Variants in IGF2BP3 observed in about 807,000 individuals in gnomAD.
IGF2BP3 encodes insulin-like growth factor 2 mRNA-binding protein 3.
A neutral mutation model predicts 73.8 loss-of-function variants in IGF2BP3; 9 were observed. The observed-to-expected ratio is 0.12, with a 90% CI of 0.07 to 0.21. The LOEUF is 0.21. IGF2BP3 is among the 10% of genes least tolerant of loss of function. The probability of loss-of-function intolerance (pLI) is 1.00; values close to 1 mark genes in which losing one functional copy is unlikely to be tolerated. For missense variants in IGF2BP3, 542 were observed against 714.0 expected (o/e 0.76, Z 2.75); for synonymous variants, 258 against 256.7 (o/e 1.01, Z -0.05).
chr7:23,319,392 G>T, intron 10 of IGF2BP3, 138 bp from the exon 11 acceptor site: 1 of 636,654 alleles, frequency 1.6e-6, no homozygotes, highest in Non-Finnish European at 2.8e-6. Context: ...ATAAGAAGTT[G>T]ACCAGACCTT....
At chr7:23,328,380 T>C (rs550492529) in intron 10 of IGF2BP3, among the ~76,000 whole-genome samples, 1 of 152,294 alleles carries the variant, frequency 6.6e-6, no homozygotes, top group East Asian at 1.9e-4. Flanking sequence ...AGCTAACTTT[T>C]GTCTTTTTAG....
intron 3 of IGF2BP3, among the ~76,000 whole-genome samples, chr7:23,393,126 C>T (rs1583983173): frequency 6.6e-6 from 1 of 152,102 alleles, no homozygotes; most frequent in African/African-American, 2.4e-5. Flanking sequence ...TGCTTTCATC[C>T]AACTCAAGAT....
chr7:23,313,609 A>G lies in IGF2BP3; in HGVS notation c.1440T>C (p.Val480=), dbSNP rs771177339. ...IYGKIKEENF[V]SPKEEVKLEA... is the part of the protein sequence containing the mutation. The stretch of plus-strand genomic sequence containing the variant: ...CAAGTTTCACCTCTTCTTTAGGACT[A>G]ACAAAGTTTTCTTCTTTAATTTTTC... Residue 480 remains valine, a synonymous_variant, in exon 13 of 15, where the codon GTT becomes GTC. Transcript: ENST00000258729. The G allele has an allele frequency of 1.5e-5, 25 of 1,613,816 alleles. No individual in the cohort carries two copies. The highest frequency in any genetic ancestry group is 1.6e-4 in the Middle Eastern group (1 of 6,080).
intron 3 of IGF2BP3, chr7:23,415,390 T>A (rs1787158502): frequency 4.8e-6 from 1 of 209,960 alleles, no homozygotes. Flanking sequence ...TCCCCCTCCA[T>A]CAGTCGGCAT....
intron 3 of IGF2BP3, among the ~76,000 whole-genome samples, chr7:23,366,357 C>T (rs1284119803): frequency 2.0e-5 from 3 of 152,008 alleles, no homozygotes; most frequent in African/African-American, 4.8e-5. Flanking sequence ...AGGCTGGTCT[C>T]GAACTCCTGA....
intron 2 of IGF2BP3, among the ~76,000 whole-genome samples, chr7:23,456,271 T>G (rs548638083): frequency 1.2e-4 from 18 of 152,226 alleles, no homozygotes; most frequent in African/African-American, 4.3e-4. Context: ...AACCAGCATT[T>G]TTTTTGTTGT....
At position 23,342,328 on chromosome 7, in the gene IGF2BP3, A is replaced by T. The variant is rs1034791618; in HGVS notation, c.1078-139T>A. ...TAACTCAAAGCAGATGTTCCATGGG[A>T]CTCTACTTGAGTACATCGTTTACAT... On this transcript the variant is annotated intron_variant, in intron 9 of 14. Coordinates refer to ENST00000258729, the MANE Select transcript of IGF2BP3 (RefSeq NM_006547.3). 27 of 911,852 alleles carry T rather than the reference A, an allele frequency of 3.0e-5. No individual in the cohort carries two copies. In the African/African-American group the frequency reaches 4.1e-4, roughly 14 times the overall value. 56.5% of individuals were successfully genotyped at this position (911,852 alleles called of 1,614,324 possible).
intron 10 of IGF2BP3, among the ~76,000 whole-genome samples, chr7:23,332,898 A>G (rs894577109): frequency 1.3e-5 from 2 of 152,186 alleles, no homozygotes; most frequent in Non-Finnish European, 2.9e-5. Context: ...TAAATATTTT[A>G]TCTCACTAAG....
chr7:23,448,077 T>C (rs1428290945), intron 2 of IGF2BP3, among the ~76,000 whole-genome samples: 2 of 152,222 alleles, frequency 1.3e-5, no homozygotes, highest in African/African-American at 2.4e-5. Context: ...AGGAAAGCTG[T>C]CTGAAACATG....
rs1783837145 is a variant in IGF2BP3, at chr7:23,311,791, T to C, written c.*571A>G. The C allele has an allele frequency of 6.5e-6, 1 of 152,700 alleles. No individual in the cohort carries two copies. Among genetic ancestry groups the C allele is most frequent in the Non-Finnish European group, 1.5e-5 (1 of 68,056 alleles). 9.5% of individuals were successfully genotyped at this position (152,700 alleles called of 1,614,324 possible). ...TTTTGCTTTTCATTGTATTACTGAA[T>C]ACCTGAGGTAGTTGAGTAAAAATGC... On this transcript the variant is annotated 3_prime_UTR_variant, in exon 15 of 15. Transcript: ENST00000258729.
intron 5 of IGF2BP3, among the ~76,000 whole-genome samples, chr7:23,355,465 A>G (rs1438801052): frequency 6.6e-6 from 1 of 151,928 alleles, no homozygotes; most frequent in Non-Finnish European, 1.5e-5. Context: ...TCCTGACCTC[A>G]AGTGATCTAC....
chr7:23,394,601 A>C (rs528484260), intron 3 of IGF2BP3: 2 of 152,326 alleles, frequency 1.3e-5, no homozygotes, highest in South Asian at 4.1e-4. Flanking sequence ...AGTAGAGGTG[A>C]CCCTTAAACT....
At chr7:23,354,852 C>T (rs1431808701) in intron 5 of IGF2BP3, among the ~76,000 whole-genome samples, 1 of 152,206 alleles carries the variant, frequency 6.6e-6, no homozygotes, top group Non-Finnish European at 1.5e-5. Context: ...TAATTGCCAT[C>T]TAAGCAGAGT....
chr7:23,336,704 T>C (rs1478434159), intron 10 of IGF2BP3, among the ~76,000 whole-genome samples: 3 of 152,122 alleles, frequency 2.0e-5, no homozygotes, highest in Non-Finnish European at 4.4e-5. Context: ...TCCCAGCACT[T>C]TGGGAGGCCG....
At chr7:23,331,928 T>TA (rs1163010629) in intron 10 of IGF2BP3, among the ~76,000 whole-genome samples, 2 of 151,452 alleles carry the variant, frequency 1.3e-5, no homozygotes, top group Non-Finnish European at 2.9e-5. Flanking sequence ...TCAAAAAACT[T>TA]ACAATCGTGG....
Position 23,323,663 on chromosome 7 carries a change from C to G in IGF2BP3, c.1204-4409G>C, listed in dbSNP as rs184813001. Among the ~76,000 whole-genome samples the G allele has an allele frequency of 3.3e-5, 5 of 152,050 alleles. No homozygotes were observed. The East Asian group carries it at 5.8e-4, about 18-fold the overall frequency. ...CACCTATTCCAAAACTGACCACATA[C>G]TTGGAAGTAAAGCTCTCCTCAGCAA... On this transcript the variant is annotated intron_variant, in intron 10 of 14. Transcript: ENST00000258729.
intron 3 of IGF2BP3, among the ~76,000 whole-genome samples, chr7:23,403,347 G>T (rs977602041): frequency 2.4e-4 from 36 of 152,122 alleles, no homozygotes; most frequent in African/African-American, 8.5e-4. Flanking sequence ...CTCTGATCAT[G>T]CCTAAGTATT....
chr7:23,443,310 A>G (rs1787980732), intron 2 of IGF2BP3, among the ~76,000 whole-genome samples: 2 of 151,922 alleles, frequency 1.3e-5, no homozygotes, highest in African/African-American at 4.8e-5. Context: ...TTTTTAGTAG[A>G]GACAGGGTTT....
intron 6 of IGF2BP3, among the ~76,000 whole-genome samples, chr7:23,350,184 C>A (rs1159218533): frequency 2.0e-5 from 3 of 152,214 alleles, no homozygotes; most frequent in Non-Finnish European, 2.9e-5. Flanking sequence ...CTATGATGAA[C>A]ATGCATGTCC....
Sources: allele counts gnomAD v4.1 joint callset (sites outside exome capture counted in the v4.1 genomes callset), GRCh38; gene constraint gnomAD v4.1.1; transcripts MANE v1.5; gene names NCBI Gene and HGNC (gene_info 2026-07-23, HGNC 2026-07-21).